Variants in PCDHGA6 observed in about 807,000 individuals in gnomAD.
PCDHGA6 encodes the protein protocadherin gamma-A6.
PCDHGA6 carries 41 observed loss-of-function variants against 60.6 expected under a neutral mutation model. That is an observed-to-expected ratio of 0.68 (90% CI 0.53 to 0.88). The LOEUF (loss-of-function observed/expected upper bound fraction) is 0.88, where lower values mean the gene tolerates loss of function less well. PCDHGA6 is among the 40% of genes least tolerant of loss of function. The probability of loss-of-function intolerance (pLI) is 0.00; values close to 1 mark genes in which losing one functional copy is unlikely to be tolerated. For synonymous variants in PCDHGA6, 594 were observed against 524.4 expected, an observed-to-expected ratio of 1.13 and a Z score of -1.81; for missense variants, 1,312 against 1,203.0, an observed-to-expected ratio of 1.09 and a Z score of -1.34.
At chr5:141,505,583 T>C (rs2099846941) in intron 3 of PCDHGA6, 102 bp downstream of exon 3, 3 of 1,583,532 alleles carry the variant, frequency 1.9e-6, no homozygotes, top group Non-Finnish European at 2.6e-6. Flanking sequence ...ACCTGTGTAG[T>C]TTCTCCAGAT....
At chr5:141,421,878 T>C (rs1364225081) in intron 1 of PCDHGA6, 1 of 1,613,612 alleles carries the variant, frequency 6.2e-7, no homozygotes, top group African/African-American at 1.3e-5. Context: ...CAGCTTTAGA[T>C]GGAGGCGATC....
rs1381620623 is a variant in PCDHGA6 at position 141,375,781 on chromosome 5, C to T, written c.1698C>T (p.Ala566=). The change falls in exon 1 of 4, where the codon GCC becomes GCT. Residue 566 remains alanine, a synonymous_variant. Transcript: ENST00000517434. ...NDNAPEILYP[A]LPTDGSTGVE... is the part of the protein sequence containing the mutation. ...ATGCGCCCGAGATCCTGTACCCCGC[C>T]CTCCCCACAGACGGTTCCACTGGCG... The T allele has an allele frequency of 6.2e-7, 1 of 1,614,252 alleles. No homozygotes were observed. The highest frequency in any genetic ancestry group is 1.1e-5 in the South Asian group (1 of 91,090).
chr5:141,425,835 T>C (rs536839515), intron 1 of PCDHGA6, among the ~76,000 whole-genome samples: 1 of 152,256 alleles, frequency 6.6e-6, no homozygotes, highest in Admixed American at 6.5e-5. Flanking sequence ...TTTTAAATTC[T>C]CTTTGCTGGG....
intron 2 of PCDHGA6, among the ~76,000 whole-genome samples, chr5:141,502,787 G>T (rs2099816081): frequency 6.6e-6 from 1 of 151,394 alleles, no homozygotes; most frequent in African/African-American, 2.4e-5. Flanking sequence ...TTACCTGGAT[G>T]ATTTCTTCAG....
intron 1 of PCDHGA6, among the ~76,000 whole-genome samples, chr5:141,449,630 T>C (rs1006977026): frequency 6.7e-6 from 1 of 150,024 alleles, no homozygotes; most frequent in South Asian, 2.1e-4. Flanking sequence ...TTTAAAAAGA[T>C]GTATCTATAT....
chr5:141,472,045 TA>T (rs1227282207), intron 1 of PCDHGA6, among the ~76,000 whole-genome samples: 3 of 152,170 alleles, frequency 2.0e-5, no homozygotes, highest in Non-Finnish European at 4.4e-5. Flanking sequence ...GAAAAGATTT[TA>T]AAAATGATTG....
At chr5:141,442,848 T>C (rs1210778801) in intron 1 of PCDHGA6, among the ~76,000 whole-genome samples, 2 of 152,236 alleles carry the variant, frequency 1.3e-5, no homozygotes, top group Non-Finnish European at 2.9e-5. Context: ...ATCTTGGCCA[T>C]TGTAGTATGA....
chr5:141,498,940 A>G (rs527366029), intron 2 of PCDHGA6, among the ~76,000 whole-genome samples: 57 of 140,142 alleles, frequency 4.1e-4, no homozygotes, highest in Non-Finnish European at 7.3e-4. Flanking sequence ...CAGGAAAGAA[A>G]GAAAGAAAAA....
At chr5:141,457,560 G>A (rs1466753974) in intron 1 of PCDHGA6, among the ~76,000 whole-genome samples, 1 of 152,162 alleles carries the variant, frequency 6.6e-6, no homozygotes, top group African/African-American at 2.4e-5. Flanking sequence ...ATAAGCTTTG[G>A]AGCAAAATTT....
At chr5:141,400,262 G>T (rs1485452553) in intron 1 of PCDHGA6, 1 of 1,613,914 alleles carries the variant, frequency 6.2e-7, no homozygotes, top group African/African-American at 1.3e-5. Flanking sequence ...TTGCGCCTGC[G>T]ACGCTCCTCC....
intron 1 of PCDHGA6, chr5:141,414,983 G>C: frequency 6.2e-7 from 1 of 1,613,716 alleles, no homozygotes; most frequent in Non-Finnish European, 8.5e-7. Context: ...AGAGACTCCG[G>C]CCAGAACGCC....
rs532087470 is a variant in PCDHGA6, at chr5:141,414,020, C to T, written c.2424+37513C>T. 9 of 1,612,620 alleles carry T rather than the reference C, an allele frequency of 5.6e-6. No homozygotes were observed. The East Asian group carries it at 1.8e-4, about 32-fold the overall frequency. The stretch of plus-strand genomic sequence containing the variant: ...GACGAAGGTGCCAATGGAGAAGTGA[C>T]ATATTCATTCCGAAAATTACCTGAC... On this transcript the variant is annotated intron_variant, in intron 1 of 3. Transcript: ENST00000517434.
chr5:141,426,768 G>A (rs2096959269), intron 1 of PCDHGA6: 1 of 456,516 alleles, frequency 2.2e-6, no homozygotes, highest in Non-Finnish European at 4.4e-6. Flanking sequence ...TGCAGATGTA[G>A]GGCCTCACTC....
Position 141,432,668 on chromosome 5 carries a change from G to C in PCDHGA6, c.2424+56161G>C, listed in dbSNP as rs1202414814. 2.5e-6 allele frequency: 4 copies of C among 1,613,742 alleles called. No individual in the cohort carries two copies. The highest frequency in any genetic ancestry group is 2.2e-5 in the South Asian group (2 of 91,068). On this transcript the variant is annotated intron_variant, in intron 1 of 3. Coordinates refer to ENST00000517434, the MANE Select transcript of PCDHGA6 (RefSeq NM_018919.3). This position sits in a 1 kb window ranked among gnomAD's most constrained non-coding sequence, Gnocchi z 6.0. The stretch of plus-strand genomic sequence containing the variant: ...GGCGCGAGCCCTGCTGGACAGAGAC[G>C]CGCTCAAGCAGAGCCTCGTAGTGGC...
intron 1 of PCDHGA6, chr5:141,389,400 AGCGC>A (rs2150385005): frequency 1.2e-6 from 2 of 1,613,622 alleles, no homozygotes; most frequent in African/African-American, 2.7e-5. Flanking sequence ...CGTGTCCATA[AGCGC>A]GGAGAGCGGG....
intron 1 of PCDHGA6, among the ~76,000 whole-genome samples, chr5:141,438,454 T>C (rs2097961593): frequency 6.6e-6 from 1 of 151,734 alleles, no homozygotes; most frequent in Admixed American, 6.6e-5. Flanking sequence ...AATACAATGC[T>C]TGAGTTCAAT....
At chr5:141,404,812 GC>G in intron 1 of PCDHGA6, 1 of 1,611,168 alleles carries the variant, frequency 6.2e-7, no homozygotes, top group African/African-American at 1.4e-5. Context: ...TCTCGGTGGG[GC>G]TGCACACAGG....
chr5:141,499,423 G>GA (rs1229901490), intron 2 of PCDHGA6, among the ~76,000 whole-genome samples: 1 of 151,754 alleles, frequency 6.6e-6, no homozygotes, highest in Non-Finnish European at 1.5e-5. Flanking sequence ...ATGAAAAATA[G>GA]AAAAAAAATT....
At chr5:141,385,292 AG>A (rs1458906535) in intron 1 of PCDHGA6, 1 of 1,613,082 alleles carries the variant, frequency 6.2e-7, no homozygotes, top group African/African-American at 1.3e-5. Flanking sequence ...GTAGATTTTC[AG>A]GAATGTAAAG....
Sources: allele counts gnomAD v4.1 joint callset (sites outside exome capture counted in the v4.1 genomes callset), GRCh38; gene constraint gnomAD v4.1.1; non-coding constraint Gnocchi (gnomAD v3.1); transcripts MANE v1.5; gene names NCBI Gene and HGNC (gene_info 2026-07-23, HGNC 2026-07-21).